ERMP1: variants seen among roughly 807,000 people sequenced by gnomAD.
ERMP1 encodes Felix-ina.
In ERMP1, 86 loss-of-function variants were observed where a neutral mutation model predicts 92.0. The observed-to-expected ratio is 0.93, with a 90% confidence interval of 0.79 to 1.12. The LOEUF is 1.12. Ranked by LOEUF, ERMP1 falls within the 50% of genes most tolerant of loss-of-function variation. The probability of loss-of-function intolerance (pLI) is 0.00; values close to 1 mark genes in which losing one functional copy is unlikely to be tolerated. For missense variants in ERMP1, 1,342 were observed against 1,116.3 expected, an observed-to-expected ratio of 1.20 and a Z score of -2.88; for synonymous variants, 530 against 412.8, an observed-to-expected ratio of 1.28 and a Z score of -3.44.
chr9:5,828,098 A>G (rs1391304250), intron 2 of ERMP1, among the ~76,000 whole-genome samples: 2 of 152,238 alleles, frequency 1.3e-5, no homozygotes, highest in African/African-American at 4.8e-5. Context: ...AAGGAGTTCA[A>G]GACCAGCCTG....
chr9:5,791,193 C>CAGAG (rs1196000122), intron 13 of ERMP1: 1 of 455,766 alleles, frequency 2.2e-6, no homozygotes, highest in African/African-American at 2.0e-5. Context: ...GAGAGAGAGA[C>CAGAG]AGAGAGAGTG....
intron 1 of ERMP1, 198 bp downstream of exon 1, chr9:5,832,492 C>G (rs13283563): frequency 2.1e-6 from 1 of 478,934 alleles, no homozygotes; most frequent in African/African-American, 2.0e-5. Flanking sequence ...TAACCGGGGA[C>G]AGGCAAGCCC....
chr9:5,847,527 T>C (rs2129748488), intron 6 of ERMP1, among the ~76,000 whole-genome samples: 1 of 151,436 alleles, frequency 6.6e-6, no homozygotes, highest in Middle Eastern at 3.4e-3. Flanking sequence ...TGTGAGCTAC[T>C]GCACCTGACC....
At chr9:5,817,314 C>A (rs1178376006) in intron 4 of ERMP1, among the ~76,000 whole-genome samples, 1 of 152,148 alleles carries the variant, frequency 6.6e-6, no homozygotes, top group African/African-American at 2.4e-5. Context: ...CTCAGCCTCC[C>A]AAGTAGCTGG....
At chr9:5,797,545 G>C (rs1258561891) in intron 13 of ERMP1, among the ~76,000 whole-genome samples, 3 of 151,970 alleles carry the variant, frequency 2.0e-5, no homozygotes, top group African/African-American at 7.3e-5. Context: ...ATACTCAGGA[G>C]GCTGAGGCAG....
Position 5,816,897 on chromosome 9 carries a change from G to GGT in ERMP1, c.875-3863_875-3862insAC, listed in dbSNP as rs1829329967. Among the ~76,000 whole-genome samples the GGT allele has an allele frequency of 2.0e-5, 3 of 147,848 alleles. No individual in the cohort carries two copies. The Admixed American group carries it at 2.1e-4, about 10-fold the overall frequency. Reference sequence around the variant, plus strand: ...TAGATCATCTAACTACAGAGCCTATGCTTTTTTTTTTTTTTTTTGGTGACA... The same window carrying GGT: ...TAGATCATCTAACTACAGAGCCTATGGTCTTTTTTTTTTTTTTTTTGGTGACA... On this transcript the variant is annotated intron_variant, in intron 4 of 14. Transcript: ENST00000339450.
intron 10 of ERMP1, among the ~76,000 whole-genome samples, chr9:5,801,883 A>C (rs1161289452): frequency 3.3e-5 from 5 of 152,258 alleles, no homozygotes; most frequent in Admixed American, 3.3e-4. Flanking sequence ...CAATGCCAAC[A>C]CAATCAAAAC....
At chr9:5,834,770 C>G (rs146485725), upstream of ERMP1, among the ~76,000 whole-genome samples, 7 of 115,764 alleles carry the variant, frequency 6.0e-5, no homozygotes, top group African/African-American at 1.3e-4. Context: ...TCCCATGGTA[C>G]CATAATAGGG....
At chr9:5,796,314 TG>T (rs1046319665) in intron 13 of ERMP1, among the ~76,000 whole-genome samples, 1 of 152,196 alleles carries the variant, frequency 6.6e-6, no homozygotes, top group Non-Finnish European at 1.5e-5. Flanking sequence ...ATAATTACAG[TG>T]ATCATGACAG....
chr9:5,799,050 C>T (rs763858438), intron 11 of ERMP1, 42 bp from the exon 12 acceptor site: 4 of 1,416,926 alleles, frequency 2.8e-6, no homozygotes, highest in Admixed American at 1.7e-5. Context: ...TCAACTAGTA[C>T]ACCCACATTC....
intron 6 of ERMP1, among the ~76,000 whole-genome samples, chr9:5,851,782 T>C (rs1045336742): frequency 1.3e-5 from 2 of 152,160 alleles, no homozygotes; most frequent in African/African-American, 4.8e-5. Context: ...CCCCACAAAA[T>C]TGATTTTAAC....
intron 4 of ERMP1, among the ~76,000 whole-genome samples, chr9:5,822,849 T>G (rs141740811): frequency 2.0e-5 from 3 of 152,204 alleles, no homozygotes; most frequent in Non-Finnish European, 4.4e-5. Context: ...AATTTTTGCA[T>G]GTGTGAAAAA....
chr9:5,801,399 C>G, intron 10 of ERMP1, 71 bp from the exon 11 acceptor site: 1 of 1,497,410 alleles, frequency 6.7e-7, no homozygotes, highest in Non-Finnish European at 9.0e-7. Flanking sequence ...TTTTAACTAA[C>G]TTTATTTTTA....
rs917219211 is a variant in ERMP1 at position 5,785,131 on chromosome 9, T to A, written c.*2013A>T. 6.6e-6 allele frequency: 1 copy of A among 152,090 alleles called. No individual in the cohort carries two copies. The highest frequency in any genetic ancestry group is 2.4e-5 in the African/African-American group (1 of 41,410). The allele number at this position is 152,090 out of a possible 1,614,324, so 9.4% of individuals were successfully genotyped here. A position where few individuals can be genotyped will look rare whatever the true frequency, so the allele number is the denominator to read the frequency against. ...GCATCTTACTACTGACCTTGTACAA[T>A]ACCAAAGCTTCATAATGCTAAAGAA... On this transcript the variant is annotated 3_prime_UTR_variant, in exon 15 of 15. Transcript: ENST00000339450.
chr9:5,805,377 G>C (rs1024230471), intron 9 of ERMP1, among the ~76,000 whole-genome samples, 160 bp from the exon 10 acceptor site: 2 of 151,976 alleles, frequency 1.3e-5, no homozygotes, highest in Non-Finnish European at 2.9e-5. Flanking sequence ...CTTTCACTCA[G>C]GATAAAATAC....
chr9:5,838,530 CAA>C (rs59171582), intron 6 of ERMP1, among the ~76,000 whole-genome samples: 2 of 138,060 alleles, frequency 1.4e-5, no homozygotes, highest in African/African-American at 5.6e-5. Context: ...AACCCTGTAT[CAA>C]AAAAAAAAAA....
At chr9:5,834,959 T>TGACA, upstream of ERMP1, among the ~76,000 whole-genome samples, 1 of 143,590 alleles carries the variant, frequency 7.0e-6, no homozygotes, top group East Asian at 2.0e-4. Context: ...GATAGACAGA[T>TGACA]GATAGATGGA....
At chr9:5,860,712 G>C (rs1338255196) in intron 5 of ERMP1, among the ~76,000 whole-genome samples, 2 of 150,206 alleles carry the variant, frequency 1.3e-5, no homozygotes, top group South Asian at 2.1e-4. Flanking sequence ...GCATCCCAAA[G>C]TGCTGGGATT....
chr9:5,790,955 A>G (rs1406718608), intron 13 of ERMP1, among the ~76,000 whole-genome samples: 2 of 152,228 alleles, frequency 1.3e-5, no homozygotes, highest in East Asian at 1.9e-4. Context: ...ACTGTGTAAG[A>G]TCTTTACATT....
Sources: gnomAD v4.1 joint callset for allele counts (sites outside exome capture counted in the v4.1 genomes callset) on GRCh38, gnomAD v4.1.1 for gene constraint, MANE v1.5 for transcripts, NCBI Gene and HGNC (gene_info 2026-07-23, HGNC 2026-07-21) for gene names.